Variants in DTNB observed in about 807,000 individuals in gnomAD.
DTNB encodes DTN-B.
A neutral mutation model predicts 90.7 loss-of-function variants in DTNB; 63 were observed. The observed-to-expected ratio is 0.69, with a 90% CI of 0.57 to 0.86. DTNB has a LOEUF of 0.86. Ranked by LOEUF, DTNB falls within the 40% of genes least tolerant of loss-of-function variation. DTNB has a pLI of 0.00. For synonymous variants in DTNB, 277 were observed against 286.7 expected (o/e 0.97, Z 0.34); for missense variants, 744 against 807.1 (o/e 0.92, Z 0.95).
intron 3 of DTNB, among the ~76,000 whole-genome samples, chr2:25,634,439 G>A (rs1411664988): frequency 6.7e-6 from 1 of 149,470 alleles, no homozygotes; most frequent in Non-Finnish European, 1.5e-5. Context: ...AGGTGGGGGG[G>A]TCAGCCCCCC....
intron 7 of DTNB, among the ~76,000 whole-genome samples, chr2:25,578,474 T>C (rs2061044261): frequency 6.6e-6 from 1 of 152,218 alleles, no homozygotes; most frequent in African/African-American, 2.4e-5. Flanking sequence ...AGGTTAATAT[T>C]AAAAGATATA....
intron 12 of DTNB, among the ~76,000 whole-genome samples, chr2:25,437,265 C>A (rs1224539457): frequency 1.4e-5 from 2 of 144,254 alleles, no homozygotes; most frequent in African/African-American, 5.1e-5. Flanking sequence ...TATCTATGTA[C>A]TTTTTTTTTT....
intron 8 of DTNB, among the ~76,000 whole-genome samples, chr2:25,563,951 G>A (rs2058629695): frequency 6.6e-6 from 1 of 152,076 alleles, no homozygotes; most frequent in South Asian, 2.1e-4. Flanking sequence ...AGGCTGGAGT[G>A]CAGTGGTGCG....
chr2:25,499,918 C>T (rs1009676988), intron 9 of DTNB, among the ~76,000 whole-genome samples: 5 of 152,186 alleles, frequency 3.3e-5, no homozygotes, highest in African/African-American at 9.6e-5. Flanking sequence ...TGTTTTGAGA[C>T]AGGGTCTTGC....
At chr2:25,529,755 C>T (rs1337119987) in intron 9 of DTNB, among the ~76,000 whole-genome samples, 2 of 152,300 alleles carry the variant, frequency 1.3e-5, no homozygotes, top group Non-Finnish European at 2.9e-5. Flanking sequence ...CACAGAATTG[C>T]AGCACACTAT....
chr2:25,586,793 G>A (rs139592923), intron 6 of DTNB, among the ~76,000 whole-genome samples: 149 of 152,236 alleles, frequency 9.8e-4, no homozygotes, highest in African/African-American at 3.4e-3. Flanking sequence ...AGGGGTTACT[G>A]GCATTTCAGT....
Position 25,474,662 on chromosome 2 carries a change from T to C in DTNB, c.1079+8134A>G, listed in dbSNP as rs2063429895. On this transcript the variant is annotated intron_variant, in intron 10 of 20. Transcript: ENST00000406818. ...GCCATTTTAATACAGGCACACATTG[T>C]TTTATTGTGCTTTGCTTTATCATGC... 2.6e-5 allele frequency among the ~76,000 whole-genome samples: 4 copies of C among 152,336 alleles called. No homozygotes were observed. The South Asian group carries it at 8.3e-4, about 32-fold the overall frequency.
chr2:25,616,900 C>A (rs1329694904), intron 4 of DTNB, among the ~76,000 whole-genome samples: 2 of 136,976 alleles, frequency 1.5e-5, no homozygotes, highest in South Asian at 2.3e-4. Flanking sequence ...CCACTGCACT[C>A]CAGCCTGGGC....
chr2:25,449,832 G>C (rs1475044190), intron 12 of DTNB, among the ~76,000 whole-genome samples: 1 of 145,824 alleles, frequency 6.9e-6, no homozygotes, highest in Non-Finnish European at 1.5e-5. Context: ...GCGTGATCTT[G>C]GCTCACTGCA....
intron 9 of DTNB, among the ~76,000 whole-genome samples, chr2:25,510,082 C>T (rs1168941035): frequency 1.3e-5 from 2 of 151,984 alleles, no homozygotes; most frequent in Non-Finnish European, 2.9e-5. Flanking sequence ...TTGACCACTG[C>T]TATGAACTTG....
chr2:25,405,220 G>A (rs2044781408), intron 16 of DTNB, among the ~76,000 whole-genome samples: 2 of 152,170 alleles, frequency 1.3e-5, no homozygotes, highest in South Asian at 4.1e-4. Context: ...GAGCTACCAT[G>A]CCTGGCCCGA....
intron 8 of DTNB, among the ~76,000 whole-genome samples, chr2:25,555,019 A>G (rs1355551840): frequency 6.6e-6 from 1 of 152,084 alleles, no homozygotes; most frequent in Non-Finnish European, 1.5e-5. Flanking sequence ...GATCTGGGCG[A>G]GGTACAGTGG....
intron 8 of DTNB, among the ~76,000 whole-genome samples, chr2:25,547,512 G>A (rs901546235): frequency 6.6e-6 from 1 of 151,888 alleles, no homozygotes; most frequent in African/African-American, 2.4e-5. Context: ...TAGTGGAGAC[G>A]AGGTTTCACC....
At chr2:25,654,373 T>C (rs1183353995) in intron 1 of DTNB, among the ~76,000 whole-genome samples, 2 of 152,208 alleles carry the variant, frequency 1.3e-5, no homozygotes, top group Non-Finnish European at 2.9e-5. Flanking sequence ...AGGGTGCTAC[T>C]GGCATCTAGT....
At chr2:25,662,798 G>A (rs2149022442) in intron 1 of DTNB, among the ~76,000 whole-genome samples, 1 of 152,250 alleles carries the variant, frequency 6.6e-6, no homozygotes, top group Non-Finnish European at 1.5e-5. Context: ...TATGACCGCA[G>A]AGGTATACCA....
intron 10 of DTNB, among the ~76,000 whole-genome samples, chr2:25,457,355 C>T (rs2060206937): frequency 6.6e-6 from 1 of 152,242 alleles, no homozygotes; most frequent in Middle Eastern, 3.4e-3. Context: ...TTGGAATGAA[C>T]CATCCTTCTA....
chr2:25,642,134 GA>G (rs2078468735), intron 2 of DTNB, among the ~76,000 whole-genome samples: 1 of 151,852 alleles, frequency 6.6e-6, no homozygotes, highest in Non-Finnish European at 1.5e-5. Flanking sequence ...GTCTTTTTAT[GA>G]GTAAAAAGAT....
At position 25,604,215 on chromosome 2, in the gene DTNB, A is replaced by G. The variant is rs535560173; in HGVS notation, c.448+3021T>C. On this transcript the variant is annotated intron_variant, in intron 5 of 20. Coordinates refer to ENST00000406818, the MANE Select transcript of DTNB (RefSeq NM_021907.5). ...ACCACCACCACCACCAACAACAACA[A>G]AAAACTCAAGAACTGAAAAAGCATA... Among the ~76,000 whole-genome samples the G allele has an allele frequency of 4.5e-4, 69 of 152,226 alleles. 1 individual carries two copies. In the Middle Eastern group the frequency reaches 0.01, roughly 23 times the overall value.
chr2:25,630,405 C>T (rs1256496865), intron 3 of DTNB, among the ~76,000 whole-genome samples: 1 of 152,160 alleles, frequency 6.6e-6, no homozygotes, highest in African/African-American at 2.4e-5. Flanking sequence ...CATATGTCTA[C>T]ACAAAATCTT....
Sources: allele counts gnomAD v4.1 joint callset (sites outside exome capture counted in the v4.1 genomes callset), GRCh38; gene constraint gnomAD v4.1.1; transcripts MANE v1.5; gene names NCBI Gene and HGNC (gene_info 2026-07-23, HGNC 2026-07-21).